RASA2: variants seen among roughly 807,000 people sequenced by gnomAD.
RASA2 encodes RAS p21 protein activator 2, also known as ras GTPase-activating protein 2.
Under a neutral mutation model 118.2 loss-of-function variants are expected in RASA2, and 155 were observed. That is an observed-to-expected ratio of 1.31 (90% CI 1.15 to 1.50). RASA2 has a LOEUF of 1.50. Ranked by LOEUF, RASA2 falls within the 40% of genes most tolerant of loss-of-function variation. RASA2 has a pLI of 0.00. For missense variants in RASA2, 1,016 were observed against 1,009.6 expected (o/e 1.01, Z -0.09); for synonymous variants, 353 against 349.1 (o/e 1.01, Z -0.12).
At chr3:141,610,166 A>G (rs951600626) in intron 23 of RASA2, 100 bp downstream of exon 23, 1 of 1,043,116 alleles carries the variant, frequency 9.6e-7, no homozygotes, top group Non-Finnish European at 1.3e-6. Context: ...ACATCTGTCA[A>G]CATCCCGCTC....
intron 1 of RASA2, among the ~76,000 whole-genome samples, chr3:141,502,367 T>C (rs904031042): frequency 6.6e-6 from 1 of 152,218 alleles, no homozygotes; most frequent in Non-Finnish European, 1.5e-5. Flanking sequence ...ACAGAAACTT[T>C]TAGCGACCCT....
chr3:141,586,130 A>G lies in RASA2; in HGVS notation c.1826+32A>G, dbSNP rs374672026. 3.6e-4 allele frequency: 549 copies of G among 1,530,126 alleles called. 3 individuals carry two copies. The South Asian group carries it at 4.3e-3, about 12-fold the overall frequency. The allele number at this position is 1,530,126 out of a possible 1,614,324, so 94.8% of individuals were successfully genotyped here. A position where few individuals can be genotyped will look rare whatever the true frequency, so the allele number is the denominator to read the frequency against. On this transcript the variant is annotated intron_variant, in intron 18 of 23. Transcript: ENST00000286364. Reference sequence around the variant, plus strand: ...TAATCAAATTAGACGTGAAAGTCATATATCAGTATAGATATTAAGTAAGTA... The same window carrying G: ...TAATCAAATTAGACGTGAAAGTCATGTATCAGTATAGATATTAAGTAAGTA...
chr3:141,556,948 C>T (rs2082658851), intron 7 of RASA2, among the ~76,000 whole-genome samples: 1 of 152,014 alleles, frequency 6.6e-6, no homozygotes, highest in Admixed American at 6.6e-5. Flanking sequence ...CATTTCCTGG[C>T]TAAGGACTTG....
chr3:141,567,945 G>C (rs930278482), intron 9 of RASA2, among the ~76,000 whole-genome samples: 1 of 152,216 alleles, frequency 6.6e-6, no homozygotes, highest in Admixed American at 6.5e-5. Context: ...AGGACTGAGA[G>C]AGAGAATTTC....
chr3:141,494,537 T>A (rs972200853), intron 1 of RASA2, among the ~76,000 whole-genome samples: 1 of 152,052 alleles, frequency 6.6e-6, no homozygotes, highest in Non-Finnish European at 1.5e-5. Context: ...CCCAGCTAAT[T>A]TTTGTATTTT....
chr3:141,508,213 G>A (rs766090405), intron 1 of RASA2, among the ~76,000 whole-genome samples: 5 of 151,966 alleles, frequency 3.3e-5, no homozygotes, highest in Non-Finnish European at 7.4e-5. Context: ...TTAAGATGTG[G>A]TTAGTGGATA....
chr3:141,601,543 C>T (rs534116252), intron 19 of RASA2, among the ~76,000 whole-genome samples: 2 of 152,122 alleles, frequency 1.3e-5, no homozygotes, highest in East Asian at 1.9e-4. Context: ...TTGAAGAGAA[C>T]ATTAAAAGCA....
chr3:141,527,797 G>A (rs1248617143), intron 3 of RASA2, among the ~76,000 whole-genome samples: 3 of 152,058 alleles, frequency 2.0e-5, no homozygotes, highest in Admixed American at 2.0e-4. Flanking sequence ...GAGTATTCCA[G>A]TTAGTACCTG....
chr3:141,510,282 T>G (rs2081931605), intron 1 of RASA2, among the ~76,000 whole-genome samples: 1 of 152,212 alleles, frequency 6.6e-6, no homozygotes, highest in Non-Finnish European at 1.5e-5. Flanking sequence ...GCTGTTTCCC[T>G]TATGCCAACT....
At chr3:141,527,125 G>C (rs1157035420) in intron 3 of RASA2, among the ~76,000 whole-genome samples, 1 of 152,196 alleles carries the variant, frequency 6.6e-6, no homozygotes, top group Middle Eastern at 3.2e-3. Context: ...CATTGTGATT[G>C]TTGAATGAGG....
chr3:141,519,283 GA>G (rs1308620948), intron 3 of RASA2, among the ~76,000 whole-genome samples: 1 of 151,916 alleles, frequency 6.6e-6, no homozygotes, highest in East Asian at 1.9e-4. Context: ...TATTATCATT[GA>G]AAAAAATTTG....
At chr3:141,511,999 T>A (rs2081958250) in intron 1 of RASA2, among the ~76,000 whole-genome samples, 164 bp from the exon 2 acceptor site, 1 of 152,006 alleles carries the variant, frequency 6.6e-6, no homozygotes, top group Admixed American at 6.5e-5. Flanking sequence ...CCTTCAGTCT[T>A]AACAATCTCC....
chr3:141,610,478 A>ATATATAT (rs1559799834), intron 23 of RASA2, among the ~76,000 whole-genome samples: 40 of 99,956 alleles, frequency 4.0e-4, no homozygotes, highest in African/African-American at 1.7e-3. Context: ...TATATATATA[A>ATATATAT]ATATATATAT....
At chr3:141,588,874 C>G (rs1049563938) in intron 19 of RASA2, among the ~76,000 whole-genome samples, 1 of 151,212 alleles carries the variant, frequency 6.6e-6, no homozygotes, top group African/African-American at 2.4e-5. Context: ...TGGATTCTCA[C>G]TCTGTCACCC....
At position 141,612,265 on chromosome 3, in the gene RASA2, A is replaced by G; in HGVS notation, c.2520-18A>G. 1 of 1,562,590 alleles carries G rather than the reference A, an allele frequency of 6.4e-7. No homozygotes were observed. Among genetic ancestry groups the G allele is most frequent in the Non-Finnish European group, 8.8e-7 (1 of 1,139,216 alleles). ...TGTATTTCTTAAATTTTGAAAAATG[A>G]CTTTTTTTCTTCTCTAGGGAAAATC... On this transcript the variant is annotated intron_variant, in intron 23 of 23. Transcript: ENST00000286364.
intron 8 of RASA2, among the ~76,000 whole-genome samples, chr3:141,559,655 C>CA: frequency 1.3e-5 from 2 of 152,214 alleles, no homozygotes; most frequent in Middle Eastern, 6.8e-3. Flanking sequence ...CAAACTAAGA[C>CA]AGTTTAAGTG....
intron 3 of RASA2, among the ~76,000 whole-genome samples, chr3:141,522,435 C>T (rs2082124603): frequency 6.6e-6 from 1 of 152,142 alleles, no homozygotes; most frequent in African/African-American, 2.4e-5. Flanking sequence ...CCCACATCGG[C>T]TCCTGAAAGT....
chr3:141,553,788 G>T, intron 5 of RASA2, 69 bp from the exon 6 acceptor site: 2 of 1,560,708 alleles, frequency 1.3e-6, no homozygotes, highest in Non-Finnish European at 1.7e-6. Context: ...ATTAGTTTGT[G>T]TTTAAAGATA....
At chr3:141,596,505 A>G (rs2083370070) in intron 19 of RASA2, among the ~76,000 whole-genome samples, 1 of 152,248 alleles carries the variant, frequency 6.6e-6, no homozygotes. Flanking sequence ...TCAAAATTCA[A>G]AAACATTTCA....
Sources: gnomAD v4.1 joint callset for allele counts (sites outside exome capture counted in the v4.1 genomes callset) on GRCh38, gnomAD v4.1.1 for gene constraint, MANE v1.5 for transcripts, NCBI Gene and HGNC (gene_info 2026-07-23, HGNC 2026-07-21) for gene names.